KMT2C: variants seen among roughly 807,000 people sequenced by gnomAD.
The protein encoded by KMT2C is lysine methyltransferase 2C, also known as histone-lysine N-methyltransferase 2C.
In KMT2C, 88 loss-of-function variants were observed where a neutral mutation model predicts 507.9. The observed-to-expected ratio is 0.17, with a 90% CI of 0.15 to 0.21. KMT2C has a LOEUF of 0.21. KMT2C is among the 10% of genes least tolerant of loss of function. The pLI is 1.00. For synonymous variants in KMT2C, 2,049 were observed against 2,080.8 expected, an observed-to-expected ratio of 0.98 and a Z score of 0.42; for missense variants, 4,954 against 5,957.8, an observed-to-expected ratio of 0.83 and a Z score of 5.55.
chr7:152,252,209 G>C, intron 10 of KMT2C, 119 bp from the exon 11 acceptor site: 1 of 716,490 alleles, frequency 1.4e-6, no homozygotes, highest in African/African-American at 1.8e-5. Flanking sequence ...AGAGGAGAGA[G>C]GTTAGAGGAG....
intron 1 of KMT2C, among the ~76,000 whole-genome samples, chr7:152,372,629 G>A (rs533942503): frequency 3.0e-4 from 46 of 152,138 alleles, no homozygotes; most frequent in Non-Finnish European, 5.6e-4. Context: ...GTCAAAAAGT[G>A]TTAAAAGAGA....
intron 1 of KMT2C, chr7:152,367,533 G>A: frequency 8.4e-7 from 1 of 1,183,524 alleles, no homozygotes; most frequent in Non-Finnish European, 1.2e-6. Context: ...AACCTGGATT[G>A]GGAAAGTCGA....
At position 152,176,433 on chromosome 7, in the gene KMT2C, C is replaced by A. The variant is rs2129113042; in HGVS notation, c.9020G>T (p.Gly3007Val). 1 of 1,614,194 alleles carries A rather than the reference C, an allele frequency of 6.2e-7. No homozygotes were observed. Among genetic ancestry groups the A allele is most frequent in the African/African-American group, 1.3e-5 (1 of 75,046 alleles). Residue 3007 changes from glycine to valine, a missense_variant, in exon 38 of 59, where the codon GGA (glycine) becomes GTA (valine). Physicochemically the swap from Gly to Val is moderately radical, Grantham distance 109 (BLOSUM62 -3). Around this residue, in one of 29 missense-constraint regions of KMT2C, gnomAD observed 1,689 missense variants for 1,654.3 expected, o/e 1.02. Coordinates refer to ENST00000262189, the MANE Select transcript of KMT2C (RefSeq NM_170606.3). ...QSTVNHSLGT[G>V]KPATQTGPQT... ...AGGCCCAGTTTGAGTTGCAGGTTTTCCTGTCCCCAGACTGTGGTTAACTGT... is the reference window on the plus strand; with the variant it reads ...AGGCCCAGTTTGAGTTGCAGGTTTTACTGTCCCCAGACTGTGGTTAACTGT...
chr7:152,173,685 T>C (rs1411145612), intron 39 of KMT2C, among the ~76,000 whole-genome samples: 2 of 152,226 alleles, frequency 1.3e-5, no homozygotes, highest in Non-Finnish European at 2.9e-5. Context: ...TGTCCTCTTA[T>C]CTATTCCTTG....
At chr7:152,393,641 C>A (rs1283104807) in intron 1 of KMT2C, among the ~76,000 whole-genome samples, 1 of 152,104 alleles carries the variant, frequency 6.6e-6, no homozygotes, top group African/African-American at 2.4e-5. Context: ...TGGCCGAGCG[C>A]GGTGGCTCAT....
In KMT2C at chr7:152,182,490, A is replaced by G. The variant is rs763004699; in HGVS notation, c.5370T>C (p.Ser1790=). ...QQQQQQQQFG[S]QHLLVQSGSD... ...AACCAGACTGCACCAGAAGATGCTGAGAACCAAATTGCTGTTGTTGCTGCT... is the reference window on the plus strand; with the variant it reads ...AACCAGACTGCACCAGAAGATGCTGGGAACCAAATTGCTGTTGTTGCTGCT... The change falls in exon 36 of 59, where the codon TCT becomes TCC. Residue 1790 remains serine (S), a synonymous_variant. Transcript: ENST00000262189. The G allele has an allele frequency of 6.2e-7, 1 of 1,613,988 alleles. No individual in the cohort carries two copies. Among genetic ancestry groups the G allele is most frequent in the African/African-American group, 1.3e-5 (1 of 74,934 alleles).
intron 6 of KMT2C, among the ~76,000 whole-genome samples, chr7:152,290,236 G>GTGTGTGTGTGTA (rs2096389641): frequency 9.9e-6 from 1 of 100,854 alleles, no homozygotes; most frequent in African/African-American, 4.8e-5. Flanking sequence ...GTGTGTGTGT[G>GTGTGTGTGTGTA]TGTGTGTGTG....
In KMT2C at chr7:152,259,456, A is replaced by G. The variant is rs868654321; in HGVS notation, c.1299+3560T>C. 1.7e-3 allele frequency among the ~76,000 whole-genome samples: 241 copies of G among 141,084 alleles called. 3 individuals carry two copies. The highest frequency in any genetic ancestry group is 6.2e-3 in the African/African-American group (227 of 36,690). The allele number at this position is 141,084 out of a possible 152,430, so 92.6% of individuals were successfully genotyped here. A position where few individuals can be genotyped will look rare whatever the true frequency, so the allele number is the denominator to read the frequency against. On this transcript the variant is annotated intron_variant, in intron 9 of 58. Coordinates refer to ENST00000262189, the MANE Select transcript of KMT2C (RefSeq NM_170606.3). ...CAGACACACACACGCGCACACACAC[A>G]CACACACACACACACACACACACAC...
At chr7:152,219,003 T>C (rs561643407) in intron 23 of KMT2C, among the ~76,000 whole-genome samples, 1 of 151,522 alleles carries the variant, frequency 6.6e-6, no homozygotes, top group South Asian at 2.1e-4. Context: ...AGAGTCTTGC[T>C]CTGTCACCCA....
chr7:152,183,194 G>A, intron 34 of KMT2C, 38 bp from the exon 35 acceptor site: 1 of 1,450,078 alleles, frequency 6.9e-7, no homozygotes, highest in Non-Finnish European at 9.3e-7. Context: ...CCCAGATTAT[G>A]TTAAATGTTT....
In KMT2C at chr7:152,150,993, G is replaced by A; in HGVS notation, c.12681C>T (p.Ser4227=). The change falls in exon 51 of 59, where the codon AGC becomes AGT. Residue 4227 remains serine, a synonymous_variant. Coordinates refer to ENST00000262189, the MANE Select transcript of KMT2C (RefSeq NM_170606.3). ...LTLLNKDSRE[S]TKRVEKDIVF... ...CAATGTCCTTCTCTACCCTCTTGGT[G>A]CTTTCTCGGGAATCCTGAAAAGCAA... The A allele has an allele frequency of 6.2e-7, 1 of 1,605,324 alleles. No homozygotes were observed. Among genetic ancestry groups the A allele is most frequent in the Non-Finnish European group, 8.5e-7 (1 of 1,174,366 alleles).
intron 6 of KMT2C, among the ~76,000 whole-genome samples, chr7:152,279,277 A>C (rs1379430261): frequency 1.3e-5 from 2 of 152,236 alleles, no homozygotes; most frequent in Non-Finnish European, 2.9e-5. Flanking sequence ...ATGATTAAGA[A>C]ACATCAAAAA....
At chr7:152,228,709 C>T (rs1166406260) in intron 18 of KMT2C, among the ~76,000 whole-genome samples, 1 of 151,948 alleles carries the variant, frequency 6.6e-6, no homozygotes, top group Admixed American at 6.6e-5. Context: ...TTCCTTAGGT[C>T]CAAAACATTA....
intron 16 of KMT2C, among the ~76,000 whole-genome samples, chr7:152,234,394 G>GA (rs961917181): frequency 2.3e-4 from 32 of 141,510 alleles, no homozygotes; most frequent in African/African-American, 7.0e-4. Flanking sequence ...AAAGAAAGAA[G>GA]AAAAAAAAAA....
At chr7:152,370,510 A>C (rs1187517060) in intron 1 of KMT2C, among the ~76,000 whole-genome samples, 1 of 152,226 alleles carries the variant, frequency 6.6e-6, no homozygotes, top group Admixed American at 6.5e-5. Context: ...CCACTCATTT[A>C]ATGAGGTCAG....
chr7:152,337,263 C>T (rs962331490), intron 2 of KMT2C, among the ~76,000 whole-genome samples: 4 of 152,086 alleles, frequency 2.6e-5, no homozygotes, highest in Admixed American at 1.3e-4. Flanking sequence ...AGAGCAAGTC[C>T]CTGTCTCAAC....
chr7:152,358,455 A>G (rs2097169928), intron 2 of KMT2C, 132 bp downstream of exon 2: 1 of 538,822 alleles, frequency 1.9e-6, no homozygotes, highest in Non-Finnish European at 3.2e-6. Context: ...AAAACAAGGC[A>G]GATGGGAAAC....
At chr7:152,340,135 C>A (rs756301293) in intron 2 of KMT2C, among the ~76,000 whole-genome samples, 25 of 150,654 alleles carry the variant, frequency 1.7e-4, no homozygotes, top group Non-Finnish European at 3.4e-4. Context: ...AAGGCACATG[C>A]GATCACGCCT....
At chr7:152,204,600 T>C (rs200659276) in intron 25 of KMT2C, among the ~76,000 whole-genome samples, 2 of 80,064 alleles carry the variant, frequency 2.5e-5, no homozygotes, top group Admixed American at 2.5e-4. Flanking sequence ...CCTAGATAGA[T>C]AGATAGATAG....
Sources: gnomAD v4.1 joint callset for allele counts (sites outside exome capture counted in the v4.1 genomes callset) on GRCh38, gnomAD v4.1.1 for gene constraint, gnomAD v4.1.1 regional missense constraint, MANE v1.5 for transcripts, NCBI Gene and HGNC (gene_info 2026-07-23, HGNC 2026-07-21) for gene names.